PCDH9: variants seen among roughly 807,000 people sequenced by gnomAD.
The protein encoded by PCDH9 is protocadherin 9.
In PCDH9, 24 loss-of-function variants were observed where a neutral mutation model predicts 70.6. The ratio of observed to expected loss-of-function variants is 0.34; its 90% CI spans 0.25 to 0.48. The LOEUF (loss-of-function observed/expected upper bound fraction) is 0.48. PCDH9 is among the 20% of genes least tolerant of loss of function. PCDH9 has a pLI of 0.99. For synonymous variants in PCDH9, 562 were observed against 558.5 expected, an observed-to-expected ratio of 1.01 and a Z score of -0.09; for missense variants, 1,281 against 1,503.6, an observed-to-expected ratio of 0.85 and a Z score of 2.45.
chr13:67,044,248 T>C lies in PCDH9; in HGVS notation c.3037-140643A>G, dbSNP rs557258638. On this transcript the variant is annotated intron_variant, in intron 2 of 4. Coordinates refer to ENST00000377865, the MANE Select transcript of PCDH9 (RefSeq NM_203487.3). ...AACCTTTGTTCAATCGAGAGAAAAATGGAAAAAAGCAAGAATATTTTTTAA... is the reference window on the plus strand; with the variant it reads ...AACCTTTGTTCAATCGAGAGAAAAACGGAAAAAAGCAAGAATATTTTTTAA... 1.8e-4 allele frequency among the ~76,000 whole-genome samples: 28 copies of C among 151,968 alleles called. No individual in the cohort carries two copies. The South Asian group carries it at 5.8e-3, about 32-fold the overall frequency.
At chr13:66,469,061 C>A (rs1958567339) in intron 4 of PCDH9, among the ~76,000 whole-genome samples, 1 of 152,112 alleles carries the variant, frequency 6.6e-6, no homozygotes, top group African/African-American at 2.4e-5. Context: ...GGGACCTAAT[C>A]AGAATTTGAA....
intron 3 of PCDH9, among the ~76,000 whole-genome samples, chr13:66,708,030 C>CTTTTATTTTA (rs1428596188): frequency 6.6e-6 from 1 of 151,840 alleles, no homozygotes; most frequent in Admixed American, 6.5e-5. Context: ...ACAGATAACA[C>CTTTTATTTTA]TTTTATTTTA....
intron 4 of PCDH9, among the ~76,000 whole-genome samples, chr13:66,386,380 T>C (rs574361501): frequency 1.5e-4 from 23 of 152,244 alleles, no homozygotes; most frequent in Admixed American, 1.1e-3. Flanking sequence ...CTCCACCCTA[T>C]AGAGTCCCCT....
rs570054484 is a variant in PCDH9 at position 66,990,575 on chromosome 13, CAT to C, written c.3037-86972_3037-86971del. Among the ~76,000 whole-genome samples the C allele has an allele frequency of 5.2e-4, 78 of 149,000 alleles. 1 individual carries two copies. The highest frequency in any genetic ancestry group is 1.8e-3 in the African/African-American group (74 of 40,870). ...ATGTATATTCTTTTATATATAAAAA[CAT>C]ATATACACATATATAAAACAAATAT... On this transcript the variant is annotated intron_variant, in intron 2 of 4. Coordinates refer to ENST00000377865, the MANE Select transcript of PCDH9 (RefSeq NM_203487.3).
intron 2 of PCDH9, chr13:67,217,833 A>G (rs887613660): frequency 7.2e-5 from 11 of 152,064 alleles, no homozygotes; most frequent in Non-Finnish European, 1.3e-4. Context: ...TGAAGGCCAG[A>G]TCATGGGCAT....
intron 2 of PCDH9, among the ~76,000 whole-genome samples, chr13:67,142,970 C>T (rs750409686): frequency 3.6e-4 from 54 of 151,970 alleles, no homozygotes; most frequent in Admixed American, 9.8e-4. Context: ...GATTGCACCA[C>T]TGCACTCCAG....
chr13:66,521,165 C>A (rs1959969623), intron 4 of PCDH9, among the ~76,000 whole-genome samples: 1 of 152,106 alleles, frequency 6.6e-6, no homozygotes, highest in Non-Finnish European at 1.5e-5. Flanking sequence ...CCAAGACCTG[C>A]ATTTAAATCT....
chr13:66,714,476 AC>A (rs2078843387), intron 3 of PCDH9, among the ~76,000 whole-genome samples: 1 of 151,806 alleles, frequency 6.6e-6, no homozygotes, highest in Non-Finnish European at 1.5e-5. Flanking sequence ...AAAAAAAAAA[AC>A]AAAAAAAGTT....
intron 3 of PCDH9, among the ~76,000 whole-genome samples, chr13:66,854,284 T>C (rs1205355358): frequency 6.6e-6 from 1 of 152,214 alleles, no homozygotes; most frequent in Non-Finnish European, 1.5e-5. Flanking sequence ...TCATGGCTGC[T>C]AAATGAATAT....
chr13:66,892,083 A>G (rs1177616270), intron 3 of PCDH9, among the ~76,000 whole-genome samples: 1 of 151,400 alleles, frequency 6.6e-6, no homozygotes, highest in South Asian at 2.1e-4. Context: ...CTCTCCTCTG[A>G]TATTACCCTA....
intron 4 of PCDH9, among the ~76,000 whole-genome samples, chr13:66,396,200 T>C (rs1320438918): frequency 6.6e-6 from 1 of 152,180 alleles, no homozygotes; most frequent in Non-Finnish European, 1.5e-5. Flanking sequence ...CCAGTGCTTC[T>C]TGCCTCTCAA....
intron 3 of PCDH9, among the ~76,000 whole-genome samples, chr13:66,786,890 A>C (rs901656877): frequency 6.6e-6 from 1 of 152,232 alleles, no homozygotes; most frequent in Non-Finnish European, 1.5e-5. Context: ...GGAGAAGAAA[A>C]AATAAAACAC....
chr13:66,419,601 C>T (rs956291990), intron 4 of PCDH9, among the ~76,000 whole-genome samples: 3 of 151,840 alleles, frequency 2.0e-5, no homozygotes, highest in African/African-American at 4.8e-5. Context: ...GACTGTGTGC[C>T]GAGGAACGGT....
chr13:66,793,594 T>C (rs1038619027), intron 3 of PCDH9, among the ~76,000 whole-genome samples: 28 of 152,166 alleles, frequency 1.8e-4, no homozygotes, highest in African/African-American at 7.2e-5. Context: ...GAACATTTCA[T>C]TGAAGTATTA....
chr13:67,219,276 A>G (rs569319037), intron 2 of PCDH9: 1 of 152,044 alleles, frequency 6.6e-6, no homozygotes, highest in South Asian at 2.1e-4. Flanking sequence ...AATGTCAATC[A>G]TGGTAATAAA....
At chr13:66,752,163 A>G (rs773280832) in intron 3 of PCDH9, among the ~76,000 whole-genome samples, 3 of 152,310 alleles carry the variant, frequency 2.0e-5, no homozygotes, top group Middle Eastern at 3.4e-3. Context: ...TGGAACTGAC[A>G]GAAACGTGTG....
chr13:66,443,827 ATAT>A (rs1241252146), intron 4 of PCDH9, among the ~76,000 whole-genome samples: 1 of 152,158 alleles, frequency 6.6e-6, no homozygotes, highest in Non-Finnish European at 1.5e-5. Context: ...TACCCTCCAC[ATAT>A]TATAGTTATA....
rs141754753 is a variant in PCDH9 at position 66,611,231 on chromosome 13, A to G, written c.3340+19979T>C. On this transcript the variant is annotated intron_variant, in intron 4 of 4. Coordinates refer to ENST00000377865, the MANE Select transcript of PCDH9 (RefSeq NM_203487.3). Reference sequence around the variant, plus strand: ...TTATTTTTAATCATACATTTCATTCACAGAGACTAACTGGCAAATTCACCC... The same window carrying G: ...TTATTTTTAATCATACATTTCATTCGCAGAGACTAACTGGCAAATTCACCC... 4.2e-3 allele frequency among the ~76,000 whole-genome samples: 637 copies of G among 152,272 alleles called. 19 individuals carry two copies. In the East Asian group the frequency reaches 0.08, roughly 19 times the overall value.
intron 4 of PCDH9, among the ~76,000 whole-genome samples, chr13:66,400,718 A>C (rs1298067748): frequency 6.6e-6 from 1 of 152,230 alleles, no homozygotes; most frequent in African/African-American, 2.4e-5. Flanking sequence ...ATTAAGTCTC[A>C]AGAAAATTTG....
Sources: gnomAD v4.1 joint callset for allele counts (sites outside exome capture counted in the v4.1 genomes callset) on GRCh38, gnomAD v4.1.1 for gene constraint, MANE v1.5 for transcripts, NCBI Gene and HGNC (gene_info 2026-07-23, HGNC 2026-07-21) for gene names.